Variants in ENPP1 observed in about 807,000 individuals in gnomAD.
ENPP1 encodes ectonucleotide pyrophosphatase/phosphodiesterase family member 1.
A neutral mutation model predicts 122.8 loss-of-function variants in ENPP1; 73 were observed. The observed-to-expected ratio is 0.59, with a 90% CI of 0.49 to 0.72. ENPP1 has a LOEUF of 0.72. Among genes scored for constraint, ENPP1 ranks in the 30% least tolerant of loss-of-function variants. The probability of loss-of-function intolerance (pLI) is 0.00; values close to 1 mark genes in which losing one functional copy is unlikely to be tolerated. For synonymous variants in ENPP1, 367 were observed against 391.6 expected, an observed-to-expected ratio of 0.94 and a Z score of 0.74; for missense variants, 978 against 1,128.1, an observed-to-expected ratio of 0.87 and a Z score of 1.91.
intron 1 of ENPP1, 130 bp from the exon 2 acceptor site, chr6:131,847,646 C>A: frequency 1.5e-6 from 1 of 666,826 alleles, no homozygotes; most frequent in South Asian, 2.1e-5. Flanking sequence ...TTCGAGGTTA[C>A]AGTGAACTAT....
intron 1 of ENPP1, among the ~76,000 whole-genome samples, chr6:131,840,565 G>A (rs899187482): frequency 2.6e-5 from 4 of 152,174 alleles, no homozygotes; most frequent in Non-Finnish European, 5.9e-5. Context: ...GGCATGTTTT[G>A]TACATTCCGC....
chr6:131,861,988 G>T (rs1782029276), intron 9 of ENPP1, among the ~76,000 whole-genome samples: 1 of 151,970 alleles, frequency 6.6e-6, no homozygotes, highest in Admixed American at 6.6e-5. Flanking sequence ...GACCAAAGTG[G>T]TAAAACCCCG....
chr6:131,809,315 C>A (rs922905277), intron 1 of ENPP1, among the ~76,000 whole-genome samples: 3 of 152,096 alleles, frequency 2.0e-5, no homozygotes, highest in African/African-American at 7.2e-5. Context: ...TTTTTCAAGT[C>A]TCCTTTCATT....
intron 18 of ENPP1, 103 bp from the exon 19 acceptor site, chr6:131,878,439 G>A: frequency 1.3e-6 from 1 of 768,584 alleles, no homozygotes; most frequent in Non-Finnish European, 2.3e-6. Flanking sequence ...TATCATAAAT[G>A]ATCTTTGTTC....
At chr6:131,854,284 G>T (rs115206323) in intron 5 of ENPP1, among the ~76,000 whole-genome samples, 2 of 151,946 alleles carry the variant, frequency 1.3e-5, no homozygotes, top group African/African-American at 4.8e-5. Context: ...ATGGTGGTGC[G>T]TGTTTGTAGT....
At chr6:131,815,156 G>A (rs1781398818) in intron 1 of ENPP1, among the ~76,000 whole-genome samples, 1 of 152,212 alleles carries the variant, frequency 6.6e-6, no homozygotes, top group South Asian at 2.1e-4. Context: ...CTAAGGTGAA[G>A]GTGCCTAAGA....
At chr6:131,847,701 A>G (rs1374185854) in intron 1 of ENPP1, 75 bp from the exon 2 acceptor site, 2 of 1,052,864 alleles carry the variant, frequency 1.9e-6, no homozygotes, top group East Asian at 2.6e-5. Flanking sequence ...GTAAGACACT[A>G]TCTCTAAAAA....
intron 13 of ENPP1, among the ~76,000 whole-genome samples, chr6:131,869,845 GAC>G (rs1176754627): frequency 8.4e-6 from 1 of 118,986 alleles, no homozygotes; most frequent in Non-Finnish European, 1.6e-5. Context: ...AACTGAGTGA[GAC>G]TTGGTCTAAA....
chr6:131,826,306 T>G (rs1781545577), intron 1 of ENPP1: 1 of 1,370,528 alleles, frequency 7.3e-7, no homozygotes, highest in East Asian at 2.3e-5. Flanking sequence ...CTGGATTTCT[T>G]CTGGAATGAA....
rs1018579358 is a variant in ENPP1, at chr6:131,872,795, G to A, written c.1438-128G>A. 22 of 938,946 alleles carry A rather than the reference G, an allele frequency of 2.3e-5. 1 individual carries two copies. The highest frequency in any genetic ancestry group is 3.4e-5 in the African/African-American group (2 of 59,600). The allele number at this position is 938,946 out of a possible 1,614,324, so 58.2% of individuals were successfully genotyped here. A position where few individuals can be genotyped will look rare whatever the true frequency, so the allele number is the denominator to read the frequency against. ...ATATGAAGTTAGAAAGCAATTTCAA[G>A]AAAAGTTGACACTTTTTATAGATAT... is the stretch of plus-strand genomic sequence containing the variant. On this transcript the variant is annotated intron_variant, in intron 14 of 24. Coordinates refer to ENST00000647893, the MANE Select transcript of ENPP1 (RefSeq NM_006208.3).
chr6:131,814,231 G>T (rs1781389883), intron 1 of ENPP1, among the ~76,000 whole-genome samples: 1 of 152,142 alleles, frequency 6.6e-6, no homozygotes, highest in Non-Finnish European at 1.5e-5. Flanking sequence ...AGGATTGCTT[G>T]AGCTCAAGAG....
chr6:131,882,502 C>A lies in ENPP1; in HGVS notation c.2230+28C>A, dbSNP rs181153206. The A allele has an allele frequency of 9.6e-4, 1,498 of 1,561,918 alleles. 13 individuals carry two copies. The African/African-American group carries it at 0.018, about 19-fold the overall frequency. On this transcript the variant is annotated intron_variant, in intron 21 of 24. Coordinates refer to ENST00000647893, the MANE Select transcript of ENPP1 (RefSeq NM_006208.3). ...AAGTTTTTTCCTCTCCTGACCTTCCCTTTTCTCCTTTTTGTTTTCTTTCTT... is the reference window on the plus strand; with the variant it reads ...AAGTTTTTTCCTCTCCTGACCTTCCATTTTCTCCTTTTTGTTTTCTTTCTT...
intron 11 of ENPP1, among the ~76,000 whole-genome samples, chr6:131,867,027 T>C (rs56814151): frequency 0.043 from 6,514 of 152,320 alleles, 185 homozygotes; most frequent in African/African-American, 0.077. Context: ...GCCAAAGCAC[T>C]TGCTTTTCTG....
chr6:131,843,768 G>A (rs114331825), intron 1 of ENPP1, among the ~76,000 whole-genome samples: 2,139 of 151,880 alleles, frequency 0.014, 64 homozygotes, highest in African/African-American at 0.049. Context: ...AGAGCTGGAG[G>A]GTCTTTTTAC....
intron 1 of ENPP1, among the ~76,000 whole-genome samples, chr6:131,814,687 T>C (rs1446961623): frequency 1.3e-5 from 2 of 152,234 alleles, no homozygotes; most frequent in Non-Finnish European, 2.9e-5. Flanking sequence ...GGAGTTGACA[T>C]TGCTCCTTTG....
chr6:131,854,851 G>C, intron 5 of ENPP1, 75 bp from the exon 6 acceptor site: 1 of 1,010,228 alleles, frequency 9.9e-7, no homozygotes, highest in East Asian at 2.4e-5. Context: ...CCTGTGCCAA[G>C]AAGGGGGTAC....
intron 17 of ENPP1, among the ~76,000 whole-genome samples, chr6:131,876,306 C>A (rs1782229996): frequency 6.6e-6 from 1 of 151,908 alleles, no homozygotes; most frequent in Non-Finnish European, 1.5e-5. Context: ...TAGGGAGATT[C>A]TTGGTTTACT....
At chr6:131,886,857 C>T in intron 24 of ENPP1, 133 bp downstream of exon 24, 2 of 620,404 alleles carry the variant, frequency 3.2e-6, no homozygotes, top group South Asian at 2.6e-5. Context: ...TTATAGGATG[C>T]TTTTAAATTT....
At chr6:131,861,443 T>G in intron 8 of ENPP1, 152 bp from the exon 9 acceptor site, 1 of 678,018 alleles carries the variant, frequency 1.5e-6, no homozygotes, top group Non-Finnish European at 2.7e-6. Context: ...AGAGTCATAT[T>G]ACATGATTAT....
Sources: gnomAD v4.1 joint callset for allele counts (sites outside exome capture counted in the v4.1 genomes callset) on GRCh38, gnomAD v4.1.1 for gene constraint, MANE v1.5 for transcripts, NCBI Gene and HGNC (gene_info 2026-07-23, HGNC 2026-07-21) for gene names.